The following PHF20L1 variants were observed in gnomAD, a reference collection of about 807,000 sequenced individuals.
PHF20L1 encodes the protein PHD finger protein 20 like 1.
In PHF20L1, 44 loss-of-function variants were observed where a neutral mutation model predicts 125.5. The observed-to-expected ratio is 0.35, with a 90% CI of 0.28 to 0.45. The LOEUF (loss-of-function observed/expected upper bound fraction) is 0.45, where lower values mean the gene tolerates loss of function less well. Among genes scored for constraint, PHF20L1 ranks in the 20% least tolerant of loss-of-function variants. PHF20L1 has a pLI of 1.00. For missense variants in PHF20L1, 1,012 were observed against 1,217.2 expected (o/e 0.83, Z 2.51); for synonymous variants, 380 against 403.1 (o/e 0.94, Z 0.69).
intron 14 of PHF20L1, among the ~76,000 whole-genome samples, chr8:132,828,007 C>T (rs1198224384): frequency 1.3e-5 from 2 of 151,866 alleles, no homozygotes; most frequent in Non-Finnish European, 2.9e-5. Flanking sequence ...TGGCACTTTT[C>T]CCCAGATGGT....
intron 14 of PHF20L1, among the ~76,000 whole-genome samples, chr8:132,827,679 A>G (rs1423836082): frequency 3.3e-5 from 5 of 152,034 alleles, no homozygotes; most frequent in African/African-American, 9.7e-5. Context: ...TAGAGGAAAA[A>G]TGGCCAAAAA....
intron 18 of PHF20L1, among the ~76,000 whole-genome samples, chr8:132,840,674 T>C (rs1837841636): frequency 1.3e-5 from 2 of 152,060 alleles, no homozygotes; most frequent in Non-Finnish European, 2.9e-5. Context: ...TTTCCATCGC[T>C]CTAGGCCTTT....
At chr8:132,811,612 AAG>A (rs1586956177) in intron 9 of PHF20L1, 8 of 982,678 alleles carry the variant, frequency 8.1e-6, no homozygotes, top group Admixed American at 6.1e-5. Flanking sequence ...ACTACAAAAA[AAG>A]AGAGTTTAAA....
chr8:132,792,537 A>C (rs1831853084), intron 2 of PHF20L1, among the ~76,000 whole-genome samples: 2 of 152,204 alleles, frequency 1.3e-5, no homozygotes, highest in Admixed American at 6.5e-5. Flanking sequence ...AATTGGGTCA[A>C]CTGCCTTCTT....
At chr8:132,804,281 T>G (rs1216495651) in intron 7 of PHF20L1, among the ~76,000 whole-genome samples, 2 of 151,984 alleles carry the variant, frequency 1.3e-5, no homozygotes, top group African/African-American at 4.8e-5. Flanking sequence ...TTTTGATTTA[T>G]AACTTCTTGA....
Position 132,811,137 on chromosome 8 carries a change from T to C in PHF20L1, c.930+9T>C. Reference sequence around the variant, plus strand: ...CTCCAATGCTGGAGCAGGTATGAAATGGTAGCATTTGATTTTTTTCAAGGT... The same window carrying C: ...CTCCAATGCTGGAGCAGGTATGAAACGGTAGCATTTGATTTTTTTCAAGGT... On this transcript the variant is annotated intron_variant, in intron 9 of 20. Transcript: ENST00000395386. 1 of 1,611,948 alleles carries C rather than the reference T, an allele frequency of 6.2e-7. No homozygotes were observed. The highest frequency in any genetic ancestry group is 2.2e-5 in the East Asian group (1 of 44,792).
chr8:132,804,808 T>C (rs1833494390), intron 8 of PHF20L1, 68 bp downstream of exon 8: 1 of 1,353,606 alleles, frequency 7.4e-7, no homozygotes, highest in African/African-American at 1.5e-5. Flanking sequence ...AATTTATTTT[T>C]AATGAAGTAA....
In PHF20L1 at chr8:132,832,338, G is replaced by A. The variant is rs758005954; in HGVS notation, c.1848G>A (p.Thr616=). 6.8e-6 allele frequency: 11 copies of A among 1,611,818 alleles called. No homozygotes were observed. Among genetic ancestry groups the A allele is most frequent in the South Asian group, 5.5e-5 (5 of 91,028 alleles). Reference sequence around the variant, plus strand: ...CTCTGGCTTCACGAAGCATGTTTACGGAGAAAACTACAACCTATCAGTACC... The same window carrying A: ...CTCTGGCTTCACGAAGCATGTTTACAGAGAAAACTACAACCTATCAGTACC... ...GSSLASRSMF[T]EKTTTYQYPR... The change falls in exon 15 of 21, where the codon ACG becomes ACA. Residue 616 remains threonine, a synonymous_variant. Coordinates refer to ENST00000395386, the MANE Select transcript of PHF20L1 (RefSeq NM_016018.5).
intron 14 of PHF20L1, among the ~76,000 whole-genome samples, chr8:132,827,790 AAAAG>A (rs1162223926): frequency 1.3e-5 from 2 of 152,112 alleles, no homozygotes; most frequent in Non-Finnish European, 2.9e-5. Context: ...TTTTTAATGA[AAAAG>A]AAAACCTTAT....
intron 4 of PHF20L1, among the ~76,000 whole-genome samples, chr8:132,796,984 T>C (rs940966688): frequency 6.6e-6 from 1 of 152,056 alleles, no homozygotes; most frequent in Non-Finnish European, 1.5e-5. Context: ...GGTACACACA[T>C]AGCGCACACA....
At chr8:132,823,875 T>TA (rs1563832880) in intron 12 of PHF20L1, 129 bp from the exon 13 acceptor site, 1 of 546,606 alleles carries the variant, frequency 1.8e-6, no homozygotes, top group Non-Finnish European at 3.3e-6. Context: ...GTTCAGGCAG[T>TA]AAAACATGTA....
rs996078217 is a variant in PHF20L1 at position 132,817,483 on chromosome 8, A to G, written c.1517A>G (p.Gln506Arg). The G allele has an allele frequency of 1.2e-6, 2 of 1,612,360 alleles. No individual in the cohort carries two copies. Among genetic ancestry groups the G allele is most frequent in the African/African-American group, 2.7e-5 (2 of 74,822 alleles). ...CCCAGGGCAGAAAAAGAGGATACAC[A>G]GATGCTTCCAAATCCTTCTTCCAAA... ...ECPRAEKEDT[Q>R]MLPNPSSKAI... Residue 506 changes from glutamine (Q) to arginine (R), a missense_variant, in exon 12 of 21, where the codon CAG becomes CGG. Physicochemically the swap from Gln to Arg is conservative, Grantham distance 43. Coordinates refer to ENST00000395386, the MANE Select transcript of PHF20L1 (RefSeq NM_016018.5).
Position 132,777,883 on chromosome 8 carries a change from T to C in PHF20L1, c.55T>C (p.Leu19=). 1 of 1,612,310 alleles carries C rather than the reference T, an allele frequency of 6.2e-7. No homozygotes were observed. The highest frequency in any genetic ancestry group is 8.5e-7 in the Non-Finnish European group (1 of 1,178,478). ...AATCACTTTTGAGATTGGTGCTCGTTTGGAGGCACTGGACTACTTACAAAA... is the reference window on the plus strand; with the variant it reads ...AATCACTTTTGAGATTGGTGCTCGTCTGGAGGCACTGGACTACTTACAAAA... ...PGITFEIGAR[L]EALDYLQKWY... is the part of the protein sequence containing the mutation. The change falls in exon 2 of 21, where the codon TTG becomes CTG. Residue 19 remains leucine (L), a synonymous_variant. Transcript: ENST00000395386.
At chr8:132,839,256 C>A in intron 17 of PHF20L1, 131 bp from the exon 18 acceptor site, 1 of 702,448 alleles carries the variant, frequency 1.4e-6, no homozygotes, top group Non-Finnish European at 2.5e-6. Context: ...AGAACGCTGT[C>A]TTACTCTTTT....
intron 19 of PHF20L1, chr8:132,843,207 A>G (rs1433278079): frequency 2.0e-6 from 2 of 1,015,942 alleles, no homozygotes; most frequent in African/African-American, 3.5e-5. Context: ...GAAAGTACAT[A>G]TGGGTGTAAT....
At chr8:132,780,554 A>G (rs1018873173) in intron 2 of PHF20L1, among the ~76,000 whole-genome samples, 5 of 151,838 alleles carry the variant, frequency 3.3e-5, no homozygotes, top group Admixed American at 1.3e-4. Context: ...TTCATATTCT[A>G]TTTTTTGCAT....
chr8:132,788,426 G>A (rs1831300235), intron 2 of PHF20L1, among the ~76,000 whole-genome samples: 1 of 152,076 alleles, frequency 6.6e-6, no homozygotes, highest in Non-Finnish European at 1.5e-5. Context: ...CAAATAATTA[G>A]TTAAATCCTA....
chr8:132,799,053 T>C, intron 5 of PHF20L1, 42 bp from the exon 6 acceptor site: 1 of 1,538,976 alleles, frequency 6.5e-7, no homozygotes, highest in Non-Finnish European at 9.0e-7. Context: ...GCTTCTTTGG[T>C]TTAGACCTGC....
chr8:132,839,540 C>G lies in PHF20L1; in HGVS notation c.2345C>G (p.Thr782Arg), dbSNP rs1399768961. Residue 782 changes from threonine (T) to arginine (R), a missense_variant, in exon 18 of 21, where the codon ACA (threonine) becomes AGA (arginine). Around this residue, in one of 7 missense-constraint regions of PHF20L1, gnomAD observed 277 missense variants for 283.6 expected, o/e 0.98. Transcript: ENST00000395386. ...HHLLADVYGVTEVLHGLQLKI... is the reference protein window; with the variant it reads ...HHLLADVYGVREVLHGLQLKI... Reference sequence around the variant, plus strand: ...CTGCTTGCTGATGTCTATGGTGTTACAGAAGTGCTACACGGGCTACAGCTG... The same window carrying G: ...CTGCTTGCTGATGTCTATGGTGTTAGAGAAGTGCTACACGGGCTACAGCTG... 6.2e-7 allele frequency: 1 copy of G among 1,613,430 alleles called. No individual in the cohort carries two copies. Among genetic ancestry groups the G allele is most frequent in the Admixed American group, 1.7e-5 (1 of 59,900 alleles).
Sources: gnomAD v4.1 joint callset for allele counts (sites outside exome capture counted in the v4.1 genomes callset) on GRCh38, gnomAD v4.1.1 for gene constraint, gnomAD v4.1.1 regional missense constraint, MANE v1.5 for transcripts, NCBI Gene and HGNC (gene_info 2026-07-23, HGNC 2026-07-21) for gene names.